EPB41L3: variants seen among roughly 807,000 people sequenced by gnomAD.
The protein encoded by EPB41L3 is erythrocyte membrane protein band 4.1 like 3, also known as band 4.1-like protein 3.
Under a neutral mutation model 127.1 loss-of-function variants are expected in EPB41L3, and 57 were observed. The ratio of observed to expected loss-of-function variants is 0.45; its 90% CI spans 0.36 to 0.56. EPB41L3 has a LOEUF of 0.56. Ranked by LOEUF, EPB41L3 falls within the 20% of genes least tolerant of loss-of-function variation. The pLI is 0.00. For synonymous variants in EPB41L3, 572 were observed against 549.5 expected (o/e 1.04, Z -0.57); for missense variants, 1,273 against 1,372.2 (o/e 0.93, Z 1.14).
At chr18:5,399,140 C>T in intron 16 of EPB41L3, 1 of 398,972 alleles carries the variant, frequency 2.5e-6, no homozygotes, top group East Asian at 3.6e-5. Context: ...TAACAATTCT[C>T]CCGGAGACAG....
At chr18:5,399,079 T>C (rs1266529735) in intron 16 of EPB41L3, 1 of 399,066 alleles carries the variant, frequency 2.5e-6, no homozygotes, top group Non-Finnish European at 4.4e-6. Flanking sequence ...AGTGCTTCTG[T>C]AGTGGAGGGC....
chr18:5,544,150 G>A, upstream of EPB41L3: 1 of 985,514 alleles, frequency 1.0e-6, no homozygotes, highest in Non-Finnish European at 1.2e-6. Flanking sequence ...TGCCCTCCCA[G>A]CCGCGGGGGA....
intron 3 of EPB41L3, among the ~76,000 whole-genome samples, chr18:5,578,386 T>C (rs867869742): frequency 6.6e-6 from 1 of 152,326 alleles, no homozygotes; most frequent in Middle Eastern, 3.4e-3. Flanking sequence ...GTGGAATTCT[T>C]CTTTAATGCA....
chr18:5,483,635 A>G (rs943019464), intron 2 of EPB41L3, among the ~76,000 whole-genome samples: 2 of 152,032 alleles, frequency 1.3e-5, no homozygotes, highest in Non-Finnish European at 2.9e-5. Flanking sequence ...AAAAAAAACC[A>G]TTCTATACAA....
At chr18:5,533,806 C>G (rs1469519711) in intron 1 of EPB41L3, among the ~76,000 whole-genome samples, 1 of 152,114 alleles carries the variant, frequency 6.6e-6, no homozygotes, top group Non-Finnish European at 1.5e-5. Flanking sequence ...ACCTTTTATC[C>G]TACTTCCTTA....
chr18:5,528,693 G>A (rs975859580), intron 1 of EPB41L3, among the ~76,000 whole-genome samples: 1 of 152,072 alleles, frequency 6.6e-6, no homozygotes, highest in Non-Finnish European at 1.5e-5. Context: ...GGCCTCCCAG[G>A]CTCAAGTGAT....
At chr18:5,449,788 G>T (rs960531357) in intron 3 of EPB41L3, among the ~76,000 whole-genome samples, 1 of 152,108 alleles carries the variant, frequency 6.6e-6, no homozygotes, top group Non-Finnish European at 1.5e-5. Flanking sequence ...ACGTTCCAAG[G>T]CCCCTAATGG....
intron 3 of EPB41L3, among the ~76,000 whole-genome samples, chr18:5,599,461 T>C (rs1310644288): frequency 2.0e-5 from 3 of 152,160 alleles, no homozygotes; most frequent in Non-Finnish European, 4.4e-5. Context: ...TTTAGATCTG[T>C]GTCCCCACCC....
At chr18:5,583,168 G>T (rs942341916) in intron 3 of EPB41L3, among the ~76,000 whole-genome samples, 3 of 152,176 alleles carry the variant, frequency 2.0e-5, no homozygotes, top group Non-Finnish European at 4.4e-5. Context: ...GAGACAGTCA[G>T]ACAACTGTCA....
At position 5,410,638 on chromosome 18, in the gene EPB41L3, A is replaced by T; in HGVS notation, c.2068-19T>A. 1 of 1,609,568 alleles carries T rather than the reference A, an allele frequency of 6.2e-7. No individual in the cohort carries two copies. Among genetic ancestry groups the T allele is most frequent in the South Asian group, 1.1e-5 (1 of 90,330 alleles). On this transcript the variant is annotated intron_variant, in intron 13 of 22. Coordinates refer to ENST00000341928, the MANE Select transcript of EPB41L3 (RefSeq NM_012307.5). ...TGTCAGTCTGTTGACCACAGAAGTG[A>T]TCAGGTTCCAGGAGGAAGGCAGGGA... is the stretch of plus-strand genomic sequence containing the variant.
chr18:5,425,379 G>A (rs1024541446), intron 9 of EPB41L3, among the ~76,000 whole-genome samples: 2 of 152,124 alleles, frequency 1.3e-5, no homozygotes, highest in African/African-American at 4.8e-5. Flanking sequence ...AGTGGTGTTT[G>A]TAAAAATCAC....
At chr18:5,491,724 A>G (rs564630593) in intron 1 of EPB41L3, among the ~76,000 whole-genome samples, 8 of 152,344 alleles carry the variant, frequency 5.3e-5, no homozygotes, top group South Asian at 2.1e-4. Flanking sequence ...ATAATATAAT[A>G]AATGCAAATT....
chr18:5,546,564 T>C (rs1333495162), upstream of EPB41L3, among the ~76,000 whole-genome samples: 3 of 152,056 alleles, frequency 2.0e-5, no homozygotes, highest in Non-Finnish European at 4.4e-5. Flanking sequence ...AACAAAACCC[T>C]AATTATGGTA....
chr18:5,536,174 CTTGT>C (rs534684560), intron 1 of EPB41L3, among the ~76,000 whole-genome samples: 14 of 151,970 alleles, frequency 9.2e-5, no homozygotes, highest in Non-Finnish European at 1.8e-4. Context: ...TGAAAATTTG[CTTGT>C]TTTAGTTTGT....
chr18:5,497,690 A>G (rs1354452702), intron 1 of EPB41L3, among the ~76,000 whole-genome samples: 1 of 152,228 alleles, frequency 6.6e-6, no homozygotes, highest in Admixed American at 6.5e-5. Flanking sequence ...ATCATCAGCA[A>G]TACTTCTAAA....
intron 1 of EPB41L3, among the ~76,000 whole-genome samples, chr18:5,502,341 T>C (rs538288001): frequency 3.6e-4 from 55 of 152,164 alleles, no homozygotes; most frequent in African/African-American, 1.2e-3. Flanking sequence ...ATGCAGTTCA[T>C]CTTTTAAAAT....
intron 3 of EPB41L3, 93 bp downstream of exon 3, chr18:5,478,148 C>G (rs2087625404): frequency 1.8e-6 from 2 of 1,122,866 alleles, no homozygotes; most frequent in Non-Finnish European, 2.6e-6. Context: ...TTTCCAGAGT[C>G]CTAGAAAAAT....
chr18:5,614,634 T>C (rs1224795574), intron 1 of EPB41L3, among the ~76,000 whole-genome samples: 1 of 152,004 alleles, frequency 6.6e-6, no homozygotes, highest in Non-Finnish European at 1.5e-5. Context: ...TTGCAAACTT[T>C]ATCCATTCTC....
intron 1 of EPB41L3, among the ~76,000 whole-genome samples, chr18:5,515,666 G>A (rs2092720660): frequency 6.6e-6 from 1 of 152,094 alleles, no homozygotes; most frequent in Admixed American, 6.5e-5. Flanking sequence ...AAATCCTTAA[G>A]GTCAACAATG....
Sources: allele counts gnomAD v4.1 joint callset (sites outside exome capture counted in the v4.1 genomes callset), GRCh38; gene constraint gnomAD v4.1.1; transcripts MANE v1.5; gene names NCBI Gene and HGNC (gene_info 2026-07-23, HGNC 2026-07-21).